The following WDR3 variants were observed in gnomAD, a reference collection of about 807,000 sequenced individuals.
The protein encoded by WDR3 is WD repeat-containing protein 3.
Under a neutral mutation model 123.7 loss-of-function variants are expected in WDR3, and 81 were observed. The observed-to-expected ratio is 0.65, with a 90% CI of 0.55 to 0.79. WDR3 has a LOEUF of 0.79. WDR3 is among the 30% of genes least tolerant of loss of function. The pLI, the probability that WDR3 is intolerant of heterozygous loss-of-function variation, is 0.00. For missense variants in WDR3, 1,027 were observed against 1,123.2 expected, an observed-to-expected ratio of 0.91 and a Z score of 1.22; for synonymous variants, 390 against 388.8, an observed-to-expected ratio of 1.00 and a Z score of -0.04.
In WDR3 at chr1:117,952,939, A is replaced by G; in HGVS notation, c.2152-7A>G. The stretch of plus-strand genomic sequence containing the variant: ...TCTCAAATTAATGTATATCTATCTC[A>G]TGGCAGGAAAGAGAAGCAGAATATG... On this transcript the variant is annotated splice_polypyrimidine_tract_variant and splice_region_variant and intron_variant, in intron 19 of 26. Transcript: ENST00000349139. 1.2e-6 allele frequency: 2 copies of G among 1,612,816 alleles called. No homozygotes were observed. The highest frequency in any genetic ancestry group is 1.7e-6 in the Non-Finnish European group (2 of 1,179,172).
rs764992820 is a variant in WDR3, at chr1:117,943,666, ATTTC to A, written c.1328+44_1328+47del. On this transcript the variant is annotated intron_variant, in intron 11 of 26. Transcript: ENST00000349139. ...GTTTTATATAGCTGTAGTTAGTAGTATTTCTTTTAATTTTTTTTGGTACTCTTAA... is the reference window on the plus strand; with the variant it reads ...GTTTTATATAGCTGTAGTTAGTAGTATTTTAATTTTTTTTGGTACTCTTAA... 4.4e-6 allele frequency: 7 copies of A among 1,574,694 alleles called. No individual in the cohort carries two copies. The South Asian group carries it at 8.1e-5, about 18-fold the overall frequency.
intron 12 of WDR3, among the ~76,000 whole-genome samples, chr1:117,946,742 C>T (rs913342728): frequency 3.3e-5 from 5 of 151,886 alleles, no homozygotes; most frequent in African/African-American, 1.2e-4. Context: ...GAGATCGAGA[C>T]CATCCTGGCT....
At chr1:117,933,513 G>C (rs185317156) in intron 2 of WDR3, 23 bp downstream of exon 2, 1,635 of 1,613,638 alleles carry the variant, frequency 1.0e-3, no homozygotes, top group Non-Finnish European at 1.3e-3. Context: ...TGACCAGTTT[G>C]ATACTGATTT....
intron 11 of WDR3, among the ~76,000 whole-genome samples, chr1:117,944,686 A>G (rs1343219688): frequency 6.6e-6 from 1 of 152,100 alleles, no homozygotes; most frequent in Non-Finnish European, 1.5e-5. Flanking sequence ...CCTTGTAGCC[A>G]TTCTTGATTT....
At position 117,943,496 on chromosome 1, in the gene WDR3, ACTC is replaced by A. The variant is rs761545056; in HGVS notation, c.1202_1204del (p.Pro401del). The A allele has an allele frequency of 2.5e-6, 4 of 1,613,728 alleles. No individual in the cohort carries two copies. The South Asian group carries it at 4.4e-5, about 18-fold the overall frequency. The stretch of plus-strand genomic sequence containing the variant: ...GTATTCACTGAATCCATCCTTGCCT[ACTC>A]CTCAGCCTGTCAGGACAAGCAGAAT... On this transcript the variant is annotated inframe_deletion, in exon 11 of 27. Coordinates refer to ENST00000349139, the MANE Select transcript of WDR3 (RefSeq NM_006784.3).
At chr1:117,948,982 AT>A (rs768936006) in intron 13 of WDR3, among the ~76,000 whole-genome samples, 16 of 148,434 alleles carry the variant, frequency 1.1e-4, no homozygotes, top group East Asian at 2.0e-4. Context: ...AAATCTTGAG[AT>A]TTTTTTTTTT....
At position 117,953,048 on chromosome 1, in the gene WDR3, T is replaced by C. The variant is rs1182569205; in HGVS notation, c.2202+52T>C. 6 of 1,579,378 alleles carry C rather than the reference T, an allele frequency of 3.8e-6. No individual in the cohort carries two copies. In the Admixed American group the frequency reaches 1.1e-4, roughly 28 times the overall value. On this transcript the variant is annotated intron_variant, in intron 20 of 26. Transcript: ENST00000349139. ...TTATGCCCCATATATAGTTATCTTA[T>C]TGAAATTGACTATAATGTCCAGAAT...
chr1:117,945,556 G>A lies in WDR3; in HGVS notation c.1329-530G>A, dbSNP rs145498676. On this transcript the variant is annotated intron_variant, in intron 11 of 26. Transcript: ENST00000349139. ...TAACACCTGATATACCAAATATTTAGATATTTATTATTCCCAAAGAATGTT... is the reference window on the plus strand; with the variant it reads ...TAACACCTGATATACCAAATATTTAAATATTTATTATTCCCAAAGAATGTT... Among the ~76,000 whole-genome samples, 7 of 152,206 alleles carry A rather than the reference G, an allele frequency of 4.6e-5. No homozygotes were observed. In the East Asian group the frequency reaches 1.4e-3, roughly 29 times the overall value.
At chr1:117,953,424 C>T in intron 20 of WDR3, 52 bp from the exon 21 acceptor site, 2 of 1,567,306 alleles carry the variant, frequency 1.3e-6, no homozygotes, top group Non-Finnish European at 1.8e-6. Context: ...TTTATCAGCT[C>T]TTTAACTCAA....
At position 117,939,573 on chromosome 1, in the gene WDR3, G is replaced by GTAAT; in HGVS notation, c.675+4_675+7dup. On this transcript the variant is annotated splice_donor_variant, in intron 6 of 26. Coordinates refer to ENST00000349139, the MANE Select transcript of WDR3 (RefSeq NM_006784.3). LOFTEE classifies it high-confidence loss of function. ...ATGGGACATAGCTTATCTGCAAGAG[G>GTAAT]TAATTACTTCTTAAAATCATGGGCA... 6.2e-7 allele frequency: 1 copy of GTAAT among 1,613,290 alleles called. No homozygotes were observed.
intron 16 of WDR3, 139 bp from the exon 17 acceptor site, chr1:117,951,837 G>A: frequency 6.6e-6 from 5 of 753,594 alleles, no homozygotes; most frequent in Non-Finnish European, 1.1e-5. Flanking sequence ...AGAATTCAGT[G>A]TTTTTAGTAG....
chr1:117,943,233 G>GCC (rs1651243019), intron 10 of WDR3, among the ~76,000 whole-genome samples, 163 bp from the exon 11 acceptor site: 2 of 152,120 alleles, frequency 1.3e-5, no homozygotes, highest in African/African-American at 4.8e-5. Flanking sequence ...GATTACAGGC[G>GCC]TGAGCCACTG....
At chr1:117,939,597 C>A (rs1165679843) in intron 6 of WDR3, 25 bp downstream of exon 6, 1 of 1,605,300 alleles carries the variant, frequency 6.2e-7, no homozygotes, top group South Asian at 1.1e-5. Flanking sequence ...AAATCATGGG[C>A]AATATGTTTA....
rs750663873 is a variant in WDR3, at chr1:117,934,571, A to ATTT, written c.270_271insTTT (p.Arg90_Ile91insPhe). ...TTGGGTATGAGGATGGGTCGATCCG[A>ATTT]ATCTTCAGTCTCCTGAGTGGGGAAG... is the stretch of plus-strand genomic sequence containing the variant. On this transcript the variant is annotated inframe_insertion, in exon 3 of 27. Transcript: ENST00000349139. 6.2e-6 allele frequency: 10 copies of ATTT among 1,614,062 alleles called. No individual in the cohort carries two copies. The highest frequency in any genetic ancestry group is 8.5e-6 in the Non-Finnish European group (10 of 1,180,022).
Position 117,954,093 on chromosome 1 carries a change from G to A in WDR3, c.2355G>A (p.Gly785=). 6.2e-7 allele frequency: 1 copy of A among 1,611,802 alleles called. No individual in the cohort carries two copies. The highest frequency in any genetic ancestry group is 1.1e-5 in the South Asian group (1 of 90,940). Residue 785 remains glycine (G), a synonymous_variant, in exon 22 of 27, where the codon GGG becomes GGA. Transcript: ENST00000349139. The stretch of plus-strand genomic sequence containing the variant: ...ACAAAGCCATTTGTAAAGCTGCAGG[G>A]AAAGAGGTAATAAGAGAGTACAGTA... The part of the protein sequence containing the change: ...KEHKAICKAA[G]KEVPLPSNPI...
intron 1 of WDR3, among the ~76,000 whole-genome samples, chr1:117,930,856 T>C (rs962214707): frequency 6.6e-6 from 1 of 152,246 alleles, no homozygotes; most frequent in Non-Finnish European, 1.5e-5. Flanking sequence ...CTAAATGACT[T>C]TGAGTTAGCA....
rs1652803000 is a variant in WDR3 at position 117,959,912 on chromosome 1, A to C, written c.*465A>C. ...CCTTTGGCCATAAAAATGCAGTGTC[A>C]TGGATCTTAGAGCTAAAAAGGACTG... On this transcript the variant is annotated 3_prime_UTR_variant, in exon 27 of 27. Coordinates refer to ENST00000349139, the MANE Select transcript of WDR3 (RefSeq NM_006784.3). 6.5e-6 allele frequency: 1 copy of C among 152,720 alleles called. No individual in the cohort carries two copies. 9.5% of individuals were successfully genotyped at this position (152,720 alleles called of 1,614,324 possible). A position where few individuals can be genotyped will look rare whatever the true frequency, so the allele number is the denominator to read the frequency against.
At chr1:117,955,100 G>T in intron 23 of WDR3, 1 of 456,848 alleles carries the variant, frequency 2.2e-6, no homozygotes, top group Non-Finnish European at 3.9e-6. Context: ...TATAGATAAG[G>T]AATCTGGCTT....
At chr1:117,940,751 A>AAAC (rs1553204403) in intron 6 of WDR3, 76 bp from the exon 7 acceptor site, 221 of 1,311,464 alleles carry the variant, frequency 1.7e-4, no homozygotes, top group Middle Eastern at 3.8e-4. Context: ...AACAACAACA[A>AAAC]AACAACAACA....
Sources: allele counts gnomAD v4.1 joint callset (sites outside exome capture counted in the v4.1 genomes callset), GRCh38; gene constraint gnomAD v4.1.1; transcripts MANE v1.5; gene names NCBI Gene and HGNC (gene_info 2026-07-23, HGNC 2026-07-21).